PC: variants seen among roughly 807,000 people sequenced by gnomAD.
PC encodes pyruvate carboxylase, mitochondrial.
Under a neutral mutation model 107.8 loss-of-function variants are expected in PC, and 46 were observed. The ratio of observed to expected loss-of-function variants is 0.43; its 90% CI spans 0.34 to 0.55. The LOEUF (loss-of-function observed/expected upper bound fraction) is 0.55, where lower values mean the gene tolerates loss of function less well. Among genes scored for constraint, PC ranks in the 20% least tolerant of loss-of-function variants. The pLI is 0.04. For synonymous variants in PC, 662 were observed against 684.7 expected, an observed-to-expected ratio of 0.97 and a Z score of 0.52; for missense variants, 1,241 against 1,643.1, an observed-to-expected ratio of 0.76 and a Z score of 4.23.
intron 3 of PC, among the ~76,000 whole-genome samples, chr11:66,918,809 C>A (rs1245227233): frequency 6.6e-6 from 1 of 152,184 alleles, no homozygotes; most frequent in Admixed American, 6.5e-5. Context: ...TCCAAATAGT[C>A]TTCCCACTCT....
In PC at chr11:66,887,919, C is replaced by T. The variant is rs1351540791; in HGVS notation, c.1-15760G>A. The stretch of plus-strand genomic sequence containing the variant: ...CTCCGAGGGCCTGCAACGAATCCCT[C>T]CCGAGTCTTTTCCAGCCTCTATGGC... On this transcript the variant is annotated intron_variant, in intron 3 of 22. Coordinates refer to ENST00000393960, the MANE Select transcript of PC (RefSeq NM_001040716.2). 2.0e-5 allele frequency among the ~76,000 whole-genome samples: 3 copies of T among 152,380 alleles called. No individual in the cohort carries two copies. In the East Asian group the frequency reaches 5.8e-4, roughly 29 times the overall value.
Position 66,866,170 on chromosome 11 carries a change from G to A in PC, c.1185+17C>T. 1 of 1,603,242 alleles carries A rather than the reference G, an allele frequency of 6.2e-7. No individual in the cohort carries two copies. The highest frequency in any genetic ancestry group is 8.5e-7 in the Non-Finnish European group (1 of 1,178,424). On this transcript the variant is annotated intron_variant, in intron 11 of 22. Transcript: ENST00000393960. This position sits in a 1 kb window ranked among gnomAD's most constrained non-coding sequence, Gnocchi z 5.4. ...CACAGGTGAGCTGGCATCTCCCTCT[G>A]CTCGAGCTCCGCCCACCTCAATGCG... is the stretch of plus-strand genomic sequence containing the variant.
rs190223302 is a variant in PC at position 66,848,953 on chromosome 11, A to G, written c.3483T>C (p.His1161=). Residue 1161 remains histidine, a synonymous_variant, in exon 23 of 23, where the codon CAT becomes CAC. Coordinates refer to ENST00000393960, the MANE Select transcript of PC (RefSeq NM_001040716.2). ...SPMEGTVRKV[H]VTKDMTLEGD... ...CTTCCAGTGTCATGTCCTTGGTCAC[A>G]TGAACCTTGCGGACAGTACCCTCCA... The G allele has an allele frequency of 2.2e-5, 36 of 1,614,040 alleles. No homozygotes were observed. The highest frequency in any genetic ancestry group is 2.5e-5 in the Non-Finnish European group (29 of 1,180,024).
chr11:66,955,772 T>TTTTTTTTTTC (rs1555052680), intron 1 of PC, among the ~76,000 whole-genome samples: 7 of 150,244 alleles, frequency 4.7e-5, no homozygotes, highest in African/African-American at 1.7e-4. Context: ...CTTTTGGGCT[T>TTTTTTTTTTC]TTTTTTTTCT....
chr11:66,925,698 G>A (rs1394949924), intron 3 of PC, among the ~76,000 whole-genome samples: 1 of 152,114 alleles, frequency 6.6e-6, no homozygotes, highest in Non-Finnish European at 1.5e-5. Context: ...ATTAAAGGCA[G>A]GCATAGGAAA....
intron 3 of PC, among the ~76,000 whole-genome samples, chr11:66,913,603 A>G (rs1290604729): frequency 1.3e-5 from 2 of 151,288 alleles, no homozygotes; most frequent in East Asian, 3.9e-4. Flanking sequence ...CGGAGGTTGC[A>G]GTGAGTCAAG....
rs1198916638 is a variant in PC at position 66,866,490 on chromosome 11, A to T, written c.1023-141T>A. The T allele has an allele frequency of 1.5e-6, 1 of 666,368 alleles. No homozygotes were observed. The highest frequency in any genetic ancestry group is 2.8e-5 in the East Asian group (1 of 36,212). The allele number at this position is 666,368 out of a possible 1,614,324, so 41.3% of individuals were successfully genotyped here. ...CCATAGGCTCTGGGCCAGCCTGAAC[A>T]GCCGGTTCCTCCCAACCAGTGGCTC... On this transcript the variant is annotated intron_variant, in intron 10 of 22. Coordinates refer to ENST00000393960, the MANE Select transcript of PC (RefSeq NM_001040716.2). The surrounding 1 kb of genome is among the most constrained non-coding windows in gnomAD (Gnocchi z 5.4).
intron 3 of PC, among the ~76,000 whole-genome samples, chr11:66,901,054 G>T (rs954522527): frequency 2.0e-5 from 3 of 152,124 alleles, no homozygotes; most frequent in Non-Finnish European, 4.4e-5. Context: ...TTCCCAAAAA[G>T]TAGCAGCAGC....
rs774298446 is a variant in PC, at chr11:66,870,831, G to A, written c.695C>T (p.Ala232Val). 45 of 1,613,568 alleles carry A rather than the reference G, an allele frequency of 2.8e-5. No homozygotes were observed. The highest frequency in any genetic ancestry group is 3.3e-5 in the South Asian group (3 of 91,092). The change falls in exon 8 of 23, where the codon GCG becomes GTG. Residue 232 changes from alanine to valine, a missense_variant. Physicochemically the swap from Ala to Val is moderately conservative, Grantham distance 64 (BLOSUM62 0). This residue lies in a region of PC where 1,143 missense variants were observed against 1,551.9 expected (regional missense o/e 0.74). Coordinates refer to ENST00000393960, the MANE Select transcript of PC (RefSeq NM_001040716.2). This position sits in a 1 kb window ranked among gnomAD's most constrained non-coding sequence, Gnocchi z 6.1. ...CTCGATGAACTTCTCCACAAACAGCGCCCCATTCCCAAAGGCGGCCAGAGC... is the reference window on the plus strand; with the variant it reads ...CTCGATGAACTTCTCCACAAACAGCACCCCATTCCCAAAGGCGGCCAGAGC... ...SEALAAFGNG[A>V]LFVEKFIEKP...
At chr11:66,898,974 G>A (rs1433484976) in intron 3 of PC, among the ~76,000 whole-genome samples, 7 of 152,100 alleles carry the variant, frequency 4.6e-5, no homozygotes, top group African/African-American at 7.2e-5. Context: ...GGGTTCAAGC[G>A]ATTCTCCTGC....
intron 17 of PC, 32 bp from the exon 18 acceptor site, chr11:66,850,955 T>G (rs1003105048): frequency 3.1e-5 from 50 of 1,604,068 alleles, no homozygotes; most frequent in Non-Finnish European, 3.5e-5. Context: ...GAGAGAGAGA[T>G]GGTAGAGAGG....
chr11:66,943,302 G>A (rs1012307360), intron 3 of PC, among the ~76,000 whole-genome samples: 7 of 151,586 alleles, frequency 4.6e-5, no homozygotes, highest in Non-Finnish European at 8.8e-5. Flanking sequence ...AAGGGGTCAC[G>A]GTCAAAAGGA....
At chr11:66,949,482 G>C (rs1183160891) in intron 3 of PC, among the ~76,000 whole-genome samples, 1 of 151,574 alleles carries the variant, frequency 6.6e-6, no homozygotes, top group Non-Finnish European at 1.5e-5. Flanking sequence ...GATCACTTGA[G>C]TCAGGAGTTC....
At chr11:66,914,487 G>T (rs191156657) in intron 3 of PC, among the ~76,000 whole-genome samples, 1 of 150,620 alleles carries the variant, frequency 6.6e-6, no homozygotes, top group Non-Finnish European at 1.5e-5. Context: ...CTCCAGTCTG[G>T]GCAACAAGGG....
intron 3 of PC, among the ~76,000 whole-genome samples, chr11:66,942,399 C>CAAAAAAAAA (rs577741732): frequency 1.1e-4 from 10 of 87,000 alleles, no homozygotes; most frequent in African/African-American, 4.3e-4. Flanking sequence ...GACTCCATCT[C>CAAAAAAAAA]AAAAAAAAAA....
chr11:66,919,231 C>A (rs922408297), intron 3 of PC, among the ~76,000 whole-genome samples: 1 of 152,182 alleles, frequency 6.6e-6, no homozygotes, highest in African/African-American at 2.4e-5. Flanking sequence ...GCCTGGCCAA[C>A]AGGATGAAAC....
intron 12 of PC, chr11:66,860,346 C>T (rs760052838): frequency 6.8e-6 from 8 of 1,175,962 alleles, no homozygotes; most frequent in South Asian, 2.6e-5. Flanking sequence ...GCCCTTTCCT[C>T]GGTTCTGGCC....
At chr11:66,951,200 T>C (rs977299986) in intron 3 of PC, among the ~76,000 whole-genome samples, 2 of 152,046 alleles carry the variant, frequency 1.3e-5, no homozygotes, top group Non-Finnish European at 2.9e-5. Flanking sequence ...CACTCAGCAC[T>C]GGATATGAGC....
In PC at chr11:66,870,203, G is replaced by T; in HGVS notation, c.903+99C>A. On this transcript the variant is annotated intron_variant, in intron 9 of 22. Coordinates refer to ENST00000393960, the MANE Select transcript of PC (RefSeq NM_001040716.2). The surrounding 1 kb of genome is among the most constrained non-coding windows in gnomAD (Gnocchi z 6.1). ...TTCTCCCCATCCCCAGTCCCCAGAA[G>T]GGGACTCAGGGTCCCCTTCCCCAAC... 3.5e-6 allele frequency: 5 copies of T among 1,444,568 alleles called. No homozygotes were observed. The highest frequency in any genetic ancestry group is 4.8e-6 in the Non-Finnish European group (5 of 1,042,002). 89.5% of individuals were successfully genotyped at this position (1,444,568 alleles called of 1,614,324 possible). A position where few individuals can be genotyped will look rare whatever the true frequency, so the allele number is the denominator to read the frequency against.
Sources: allele counts gnomAD v4.1 joint callset (sites outside exome capture counted in the v4.1 genomes callset), GRCh38; gene constraint gnomAD v4.1.1; regional missense constraint gnomAD v4.1.1; non-coding constraint Gnocchi (gnomAD v3.1); transcripts MANE v1.5; gene names NCBI Gene and HGNC (gene_info 2026-07-23, HGNC 2026-07-21).